FRMD5: variants seen among roughly 807,000 people sequenced by gnomAD.
The protein encoded by FRMD5 is FERM domain-containing protein 5.
FRMD5 carries 20 observed loss-of-function variants against 69.0 expected under a neutral mutation model. The observed-to-expected ratio is 0.29, with a 90% CI of 0.20 to 0.42. The LOEUF (loss-of-function observed/expected upper bound fraction) is 0.42, where lower values mean the gene tolerates loss of function less well. FRMD5 is among the 10% of genes least tolerant of loss of function. The pLI, the probability that FRMD5 is intolerant of heterozygous loss-of-function variation, is 1.00. For synonymous variants in FRMD5, 271 were observed against 260.1 expected (o/e 1.04, Z -0.40); for missense variants, 595 against 708.6 (o/e 0.84, Z 1.82).
At chr15:44,037,407 T>C (rs138389017) in intron 1 of FRMD5, among the ~76,000 whole-genome samples, 2,279 of 152,288 alleles carry the variant, frequency 0.015, 36 homozygotes, top group Non-Finnish European at 0.022. Flanking sequence ...TTTGAGTTGG[T>C]TCCAAGTCTT....
chr15:44,150,833 T>A (rs942441679), intron 1 of FRMD5, among the ~76,000 whole-genome samples: 2 of 152,110 alleles, frequency 1.3e-5, no homozygotes, highest in African/African-American at 4.8e-5. Flanking sequence ...GGCCCACGTC[T>A]GTAATCCCAA....
At position 44,132,759 on chromosome 15, in the gene FRMD5, TATG is replaced by T. The variant is rs1204583525; in HGVS notation, c.102+62191_102+62193del. On this transcript the variant is annotated intron_variant, in intron 1 of 13. Coordinates refer to ENST00000417257, the MANE Select transcript of FRMD5 (RefSeq NM_032892.5). ...GAATGTATGTATGTATGTATGTATG[TATG>T]TATTTATTTTTTTGAGACAGAGTCT... is the stretch of plus-strand genomic sequence containing the variant. 5.3e-3 allele frequency among the ~76,000 whole-genome samples: 636 copies of T among 119,158 alleles called. 19 individuals are homozygous for T. In the Admixed American group the frequency reaches 0.057, roughly 11 times the overall value. The allele number at this position is 119,158 out of a possible 152,430, so 78.2% of individuals were successfully genotyped here.
intron 1 of FRMD5, among the ~76,000 whole-genome samples, chr15:43,934,070 T>C (rs2089720137): frequency 6.6e-6 from 1 of 152,212 alleles, no homozygotes; most frequent in African/African-American, 2.4e-5. Context: ...TGAGGCTCCT[T>C]AGTCAGAATT....
At chr15:43,952,002 G>C (rs1055829260) in intron 1 of FRMD5, among the ~76,000 whole-genome samples, 279 of 27,424 alleles carry the variant, frequency 0.01, 1 homozygote, top group East Asian at 0.037. Context: ...GTGTGTGTCT[G>C]TGTGTGTGTG....
intron 1 of FRMD5, among the ~76,000 whole-genome samples, chr15:44,023,428 C>G (rs1296954697): frequency 6.6e-6 from 1 of 152,148 alleles, no homozygotes; most frequent in Non-Finnish European, 1.5e-5. Context: ...GGGCTGTGGA[C>G]AGAAAACAGG....
chr15:43,893,613 A>G (rs1318352410), intron 7 of FRMD5, among the ~76,000 whole-genome samples: 1 of 152,174 alleles, frequency 6.6e-6, no homozygotes, highest in Non-Finnish European at 1.5e-5. Context: ...ATGCTGGTCA[A>G]ATGTGCCTGC....
intron 1 of FRMD5, among the ~76,000 whole-genome samples, chr15:44,177,066 G>A (rs1332727548): frequency 6.6e-6 from 1 of 151,892 alleles, no homozygotes; most frequent in East Asian, 1.9e-4. Flanking sequence ...GTTCCAAAGG[G>A]TTTGAGCACT....
chr15:43,991,221 ATTGTTC>A (rs1157677145), intron 1 of FRMD5, among the ~76,000 whole-genome samples: 4 of 152,316 alleles, frequency 2.6e-5, no homozygotes, highest in African/African-American at 9.6e-5. Flanking sequence ...CTGTACTTAA[ATTGTTC>A]TTTGCTTTGC....
intron 1 of FRMD5, among the ~76,000 whole-genome samples, chr15:44,062,689 CA>C (rs35998128): frequency 0.032 from 3,830 of 118,056 alleles, 131 homozygotes; most frequent in African/African-American, 0.11. Context: ...GACTCTGTCT[CA>C]AAAAAAAAAA....
chr15:44,027,327 C>CA (rs879320387), intron 1 of FRMD5, among the ~76,000 whole-genome samples: 24 of 151,598 alleles, frequency 1.6e-4, no homozygotes, highest in Non-Finnish European at 1.6e-4. Flanking sequence ...ACAACAAAAA[C>CA]AAAAAAAACC....
intron 7 of FRMD5, among the ~76,000 whole-genome samples, chr15:43,896,644 C>T (rs1267507569): frequency 6.6e-6 from 1 of 152,176 alleles, no homozygotes; most frequent in Non-Finnish European, 1.5e-5. Flanking sequence ...TTTCTAGTCC[C>T]CACCAGTTCC....
chr15:44,124,289 A>G (rs1009849767), intron 1 of FRMD5, among the ~76,000 whole-genome samples: 2 of 151,548 alleles, frequency 1.3e-5, no homozygotes, highest in Non-Finnish European at 2.9e-5. Flanking sequence ...CACCGTGCCC[A>G]TATCTTTTTA....
intron 1 of FRMD5, among the ~76,000 whole-genome samples, chr15:44,149,865 C>T (rs1403725387): frequency 9.2e-5 from 14 of 151,940 alleles, no homozygotes; most frequent in Admixed American, 7.9e-4. Context: ...AGAACAATAC[C>T]CCATATGAAC....
chr15:43,969,184 C>A (rs1200869890), intron 1 of FRMD5, among the ~76,000 whole-genome samples: 1 of 151,670 alleles, frequency 6.6e-6, no homozygotes, highest in East Asian at 1.9e-4. Flanking sequence ...AACTCCTGGG[C>A]TCAACTCCTG....
At chr15:43,878,187 G>T (rs2088418012) in intron 13 of FRMD5, among the ~76,000 whole-genome samples, 1 of 151,922 alleles carries the variant, frequency 6.6e-6, no homozygotes, top group Non-Finnish European at 1.5e-5. Context: ...ATTTTTTGTA[G>T]AGACAGGTTT....
intron 1 of FRMD5, among the ~76,000 whole-genome samples, chr15:43,935,826 G>T (rs914217837): frequency 6.6e-6 from 1 of 152,200 alleles, no homozygotes; most frequent in Non-Finnish European, 1.5e-5. Flanking sequence ...AACATCTGCT[G>T]CCAACTGAAT....
chr15:43,914,744 T>TTTTTTTTTTG (rs1367855185), intron 4 of FRMD5, among the ~76,000 whole-genome samples: 1 of 148,056 alleles, frequency 6.8e-6, no homozygotes, highest in African/African-American at 2.6e-5. Flanking sequence ...TTTTTTTTTT[T>TTTTTTTTTTG]GAGATGGAGT....
In FRMD5 at chr15:43,873,338, G is replaced by T; in HGVS notation, c.*547C>A. 2 of 1,481,468 alleles carry T rather than the reference G, an allele frequency of 1.4e-6. No individual in the cohort carries two copies. Among genetic ancestry groups the T allele is most frequent in the Non-Finnish European group, 8.9e-7 (1 of 1,123,294 alleles). The allele number at this position is 1,481,468 out of a possible 1,614,324, so 91.8% of individuals were successfully genotyped here. The stretch of plus-strand genomic sequence containing the variant: ...TTTACTTTTTTAAAAGTTCTGGCTG[G>T]CAAAAAAAACAAACAAAAAACTAAA... On this transcript the variant is annotated 3_prime_UTR_variant, in exon 14 of 14. Transcript: ENST00000417257.
chr15:44,190,068 T>A (rs1323948034), intron 1 of FRMD5, among the ~76,000 whole-genome samples: 1 of 152,224 alleles, frequency 6.6e-6, no homozygotes, highest in Non-Finnish European at 1.5e-5. Context: ...AGCAGCACTG[T>A]CCTTCCTGGG....
Sources: allele counts gnomAD v4.1 joint callset (sites outside exome capture counted in the v4.1 genomes callset), GRCh38; gene constraint gnomAD v4.1.1; transcripts MANE v1.5; gene names NCBI Gene and HGNC (gene_info 2026-07-23, HGNC 2026-07-21).